ATP2B4: variants seen among roughly 807,000 people sequenced by gnomAD.
ATP2B4 encodes plasma membrane calcium-transporting ATPase 4.
A neutral mutation model predicts 110.3 loss-of-function variants in ATP2B4; 39 were observed. The ratio of observed to expected loss-of-function variants is 0.35; its 90% confidence interval spans 0.27 to 0.46. The LOEUF (loss-of-function observed/expected upper bound fraction) is 0.46, where lower values mean the gene tolerates loss of function less well. ATP2B4 is among the 20% of genes least tolerant of loss of function. The pLI is 1.00. For synonymous variants in ATP2B4, 538 were observed against 571.7 expected (o/e 0.94, Z 0.84); for missense variants, 1,135 against 1,530.9 (o/e 0.74, Z 4.32).
Position 203,707,894 on chromosome 1 carries a change from C to A in ATP2B4, c.1347C>A (p.His449Gln). The part of the protein sequence containing the change: ...KMMKDNNLVR[H>Q]LDACETMGNA... ...TGAAAGACAATAACCTAGTACGGCA[C>A]TTGGATGCTTGTGAGACCATGGGCA... is the stretch of plus-strand genomic sequence containing the variant. The change falls in exon 10 of 21, where the codon CAC (histidine) becomes CAA (glutamine). Residue 449 changes from histidine (H) to glutamine (Q), a missense_variant. By Grantham distance (24) the His-to-Gln change is conservative (BLOSUM62 0). This residue lies in a region of ATP2B4 where 368 missense variants were observed against 455.9 expected (regional missense o/e 0.81). Transcript: ENST00000357681. The A allele has an allele frequency of 6.2e-7, 1 of 1,614,182 alleles. No individual in the cohort carries two copies. The highest frequency in any genetic ancestry group is 1.1e-5 in the South Asian group (1 of 91,080).
At chr1:203,704,915 C>T (rs959898638) in intron 8 of ATP2B4, among the ~76,000 whole-genome samples, 7 of 150,796 alleles carry the variant, frequency 4.6e-5, no homozygotes, top group African/African-American at 1.2e-4. Context: ...AGATTCAGTT[C>T]AGGGGGTCTG....
At chr1:203,722,759 C>A in intron 18 of ATP2B4, 70 bp downstream of exon 18, 1 of 1,437,584 alleles carries the variant, frequency 7.0e-7, no homozygotes, top group Non-Finnish European at 9.6e-7. Flanking sequence ...AGCCAGGGTT[C>A]CCTACATACC....
chr1:203,738,746 C>A (rs1666931815), intron 20 of ATP2B4, among the ~76,000 whole-genome samples: 1 of 152,148 alleles, frequency 6.6e-6, no homozygotes, highest in African/African-American at 2.4e-5. Flanking sequence ...ATTATGAGAG[C>A]CAGGTCTTTT....
At chr1:203,703,162 ATC>A (rs1227240302) in intron 7 of ATP2B4, among the ~76,000 whole-genome samples, 2 of 125,708 alleles carry the variant, frequency 1.6e-5, no homozygotes, top group African/African-American at 3.4e-5. Flanking sequence ...TTCCCTGACA[ATC>A]GAGAGAGAGA....
intron 1 of ATP2B4, among the ~76,000 whole-genome samples, chr1:203,661,275 G>A (rs1664330440): frequency 6.6e-6 from 1 of 152,132 alleles, no homozygotes; most frequent in African/African-American, 2.4e-5. Context: ...GCAATATTAT[G>A]AAAAAAGTGT....
intron 1 of ATP2B4, among the ~76,000 whole-genome samples, chr1:203,644,708 A>G (rs548777975): frequency 2.0e-5 from 3 of 152,174 alleles, no homozygotes; most frequent in Admixed American, 6.6e-5. Flanking sequence ...GCTGGGCTTC[A>G]GTGACAGAGA....
Position 203,693,310 on chromosome 1 carries a change from G to A in ATP2B4, c.194-4847G>A, listed in dbSNP as rs1029357583. Among the ~76,000 whole-genome samples the A allele has an allele frequency of 3.3e-5, 5 of 152,254 alleles. No homozygotes were observed. The South Asian group carries it at 1.0e-3, about 32-fold the overall frequency. The stretch of plus-strand genomic sequence containing the variant: ...TCCCAGTCCCACATGGCTTTCCCAT[G>A]CCTCACCACATGTCAGAGAGGATTC... On this transcript the variant is annotated intron_variant, in intron 2 of 20. Coordinates refer to ENST00000357681, the MANE Select transcript of ATP2B4 (RefSeq NM_001684.5).
chr1:203,730,570 T>C (rs1311197958), intron 20 of ATP2B4, among the ~76,000 whole-genome samples: 1 of 152,208 alleles, frequency 6.6e-6, no homozygotes, highest in Admixed American at 6.5e-5. Context: ...TGATTTCTTT[T>C]CTCCTAGCCA....
chr1:203,723,872 C>G lies in ATP2B4; in HGVS notation c.3025-9C>G. ...CCTTGATGGTGGGCTGCCCCTTTCTCTGTTCTAGATTTTCATCGTGGAATT... is the reference window on the plus strand; with the variant it reads ...CCTTGATGGTGGGCTGCCCCTTTCTGTGTTCTAGATTTTCATCGTGGAATT... On this transcript the variant is annotated splice_polypyrimidine_tract_variant and intron_variant, in intron 18 of 20. Coordinates refer to ENST00000357681, the MANE Select transcript of ATP2B4 (RefSeq NM_001684.5). 6.3e-7 allele frequency: 1 copy of G among 1,594,300 alleles called. No individual in the cohort carries two copies.
At chr1:203,691,450 A>T (rs1245144698) in intron 2 of ATP2B4, among the ~76,000 whole-genome samples, 3 of 152,226 alleles carry the variant, frequency 2.0e-5, no homozygotes. Context: ...GTGGCAGAGC[A>T]GAAAGCTAAC....
intron 1 of ATP2B4, among the ~76,000 whole-genome samples, chr1:203,640,465 G>A (rs1052276802): frequency 2.6e-5 from 4 of 151,938 alleles, no homozygotes; most frequent in Non-Finnish European, 4.4e-5. Flanking sequence ...CTACAAGTGC[G>A]TGCCACCATG....
At chr1:203,637,095 GC>G (rs369113602) in intron 1 of ATP2B4, among the ~76,000 whole-genome samples, 17 of 152,234 alleles carry the variant, frequency 1.1e-4, no homozygotes, top group African/African-American at 4.1e-4. Flanking sequence ...GTTTCCTAGG[GC>G]ACATAATCCC....
intron 5 of ATP2B4, 70 bp from the exon 6 acceptor site, chr1:203,700,728 G>T: frequency 1.3e-6 from 2 of 1,585,188 alleles, no homozygotes; most frequent in Admixed American, 1.7e-5. Context: ...TTCTAAGTTT[G>T]TGTTTCATAC....
chr1:203,736,203 G>A lies in ATP2B4; in HGVS notation c.3310-3343G>A, dbSNP rs552754672. On this transcript the variant is annotated intron_variant, in intron 20 of 20. Transcript: ENST00000357681. ...AAAACTGCCTGGCGCGGTGGCTCAC[G>A]CCTGTAATCCCAGCACTTTGGGAGG... 5.9e-5 allele frequency among the ~76,000 whole-genome samples: 9 copies of A among 152,326 alleles called. No homozygotes were observed. In the East Asian group the frequency reaches 1.5e-3, roughly 26 times the overall value.
Position 203,711,074 on chromosome 1 carries a change from C to T in ATP2B4, c.1997C>T (p.Ala666Val), listed in dbSNP as rs556425707. 3.5e-5 allele frequency: 57 copies of T among 1,614,094 alleles called. No homozygotes were observed. The highest frequency in any genetic ancestry group is 6.6e-5 in the South Asian group (6 of 91,068). ...ATCCTCACCGAACTGACCTGTATCG[C>T]GGTGGTGGGCATTGAGGACCCTGTG... ...NEILTELTCI[A>V]VVGIEDPVRP... The change falls in exon 12 of 21, where the codon GCG becomes GTG. Residue 666 changes from alanine (A) to valine (V), a missense_variant. Coordinates refer to ENST00000357681, the MANE Select transcript of ATP2B4 (RefSeq NM_001684.5).
At chr1:203,638,385 T>C (rs1300125056) in intron 1 of ATP2B4, among the ~76,000 whole-genome samples, 2 of 152,180 alleles carry the variant, frequency 1.3e-5, no homozygotes, top group Non-Finnish European at 2.9e-5. Context: ...CTGCTGTCCA[T>C]ATTACAGCCT....
In ATP2B4 at chr1:203,742,034, C is replaced by A. The variant is rs369949604; in HGVS notation, c.*2180C>A. ...GGGCTTGTGTCTACTTTTTAAAAGT[C>A]AATGGTTTTTTTTCTTGTGTTCTAG... On this transcript the variant is annotated 3_prime_UTR_variant, in exon 21 of 21. Transcript: ENST00000357681. 70 of 152,616 alleles carry A rather than the reference C, an allele frequency of 4.6e-4. No homozygotes were observed. The highest frequency in any genetic ancestry group is 1.7e-3 in the African/African-American group (69 of 41,534). The allele number at this position is 152,616 out of a possible 1,614,324, so 9.5% of individuals were successfully genotyped here.
chr1:203,663,841 C>T (rs1312136039), intron 1 of ATP2B4, among the ~76,000 whole-genome samples: 3 of 152,062 alleles, frequency 2.0e-5, no homozygotes. Context: ...TGGCCTCAAG[C>T]GATCCTCCTG....
chr1:203,724,865 C>CTCTCTT (rs1214526316), intron 19 of ATP2B4, among the ~76,000 whole-genome samples: 1 of 101,454 alleles, frequency 9.9e-6, no homozygotes, highest in Non-Finnish European at 1.9e-5. Flanking sequence ...ATCCAGCTCT[C>CTCTCTT]TGTTTTTTTT....
Sources: gnomAD v4.1 joint callset for allele counts (sites outside exome capture counted in the v4.1 genomes callset) on GRCh38, gnomAD v4.1.1 for gene constraint, gnomAD v4.1.1 regional missense constraint, MANE v1.5 for transcripts, NCBI Gene and HGNC (gene_info 2026-07-23, HGNC 2026-07-21) for gene names.